PRKG1: variants seen among roughly 807,000 people sequenced by gnomAD.
The protein encoded by PRKG1 is protein kinase cGMP-dependent 1.
PRKG1 carries 35 observed loss-of-function variants against 88.1 expected under a neutral mutation model. That is an observed-to-expected ratio of 0.40 (90% CI 0.30 to 0.53). The LOEUF (loss-of-function observed/expected upper bound fraction) is 0.53. PRKG1 is among the 20% of genes least tolerant of loss of function. PRKG1 has a pLI of 0.59. For missense variants in PRKG1, 540 were observed against 839.8 expected (o/e 0.64, Z 4.41); for synonymous variants, 303 against 292.5 (o/e 1.04, Z -0.37).
intron 3 of PRKG1, among the ~76,000 whole-genome samples, chr10:51,481,073 T>C (rs1481257529): frequency 2.0e-5 from 3 of 152,054 alleles, no homozygotes; most frequent in African/African-American, 7.2e-5. Flanking sequence ...TAATCTATCT[T>C]TCTGAAAAAA....
At position 51,839,616 on chromosome 10, in the gene PRKG1, T is replaced by C. The variant is rs1456508405; in HGVS notation, c.698+34926T>C. On this transcript the variant is annotated intron_variant, in intron 4 of 17. Coordinates refer to ENST00000373980, the MANE Select transcript of PRKG1 (RefSeq NM_006258.4). ...TTGAAAACCAGCCAGATAGCCATGA[T>C]AAGCAGGAACCTGACTTTGTTTTGG... is the stretch of plus-strand genomic sequence containing the variant. Among the ~76,000 whole-genome samples, 5 of 152,254 alleles carry C rather than the reference T, an allele frequency of 3.3e-5. No homozygotes were observed. In the South Asian group the frequency reaches 1.0e-3, roughly 32 times the overall value.
chr10:52,169,961 C>T (rs576799321), intron 9 of PRKG1, among the ~76,000 whole-genome samples: 16 of 151,968 alleles, frequency 1.1e-4, no homozygotes, highest in East Asian at 3.9e-4. Flanking sequence ...ACCATCTCCA[C>T]GGATAAGGTT....
intron 2 of PRKG1, among the ~76,000 whole-genome samples, chr10:51,283,601 G>A (rs765480646): frequency 6.6e-6 from 1 of 152,166 alleles, no homozygotes; most frequent in Non-Finnish European, 1.5e-5. Context: ...CTTTAGGGTG[G>A]TGGGACAAGA....
intron 3 of PRKG1, among the ~76,000 whole-genome samples, chr10:51,572,889 A>G (rs117040426): frequency 6.6e-6 from 1 of 151,798 alleles, no homozygotes; most frequent in Admixed American, 6.6e-5. Context: ...TAAGAATTAA[A>G]CTCAACTGTG....
intron 3 of PRKG1, among the ~76,000 whole-genome samples, chr10:51,511,285 C>A (rs1391317106): frequency 6.6e-6 from 1 of 152,004 alleles, no homozygotes; most frequent in Non-Finnish European, 1.5e-5. Context: ...ATGAAACACC[C>A]AGCTAATTCC....
intron 4 of PRKG1, among the ~76,000 whole-genome samples, chr10:51,818,622 G>T (rs1439877129): frequency 2.0e-5 from 3 of 152,054 alleles, no homozygotes; most frequent in Non-Finnish European, 4.4e-5. Flanking sequence ...ATCCCCAGAT[G>T]TTTGCTTTCT....
At chr10:52,038,894 G>C (rs1845685187) in intron 5 of PRKG1, among the ~76,000 whole-genome samples, 1 of 152,150 alleles carries the variant, frequency 6.6e-6, no homozygotes, top group South Asian at 2.1e-4. Context: ...AGAGATTGAA[G>C]AGTGGAAAGA....
At chr10:51,029,521 T>C (rs1843252758) in intron 1 of PRKG1, among the ~76,000 whole-genome samples, 1 of 152,114 alleles carries the variant, frequency 6.6e-6, no homozygotes. Context: ...ATAAAACTTG[T>C]GATATCTTGC....
chr10:50,991,549 G>C lies in PRKG1; in HGVS notation c.171G>C (p.Arg57=). Reference sequence around the variant, plus strand: ...TGCCCTCGACCCACATCGGCCCCCGGACCACCCGGGCGCAGGGCATCTCGG... The same window carrying C: ...TGCCCTCGACCCACATCGGCCCCCGCACCACCCGGGCGCAGGGCATCTCGG... The change falls in exon 1 of 18, where the codon CGG becomes CGC. Residue 57 remains arginine, a synonymous_variant. Coordinates refer to the PRKG1 transcript ENST00000401604. This position sits in a 1 kb window ranked among gnomAD's most constrained non-coding sequence, Gnocchi z 4.5. 1 of 1,609,250 alleles carries C rather than the reference G, an allele frequency of 6.2e-7. No individual in the cohort carries two copies. Among genetic ancestry groups the C allele is most frequent in the Non-Finnish European group, 8.5e-7 (1 of 1,178,386 alleles).
intron 9 of PRKG1, among the ~76,000 whole-genome samples, chr10:52,189,459 G>A (rs1357235742): frequency 6.6e-6 from 1 of 152,074 alleles, no homozygotes; most frequent in East Asian, 1.9e-4. Context: ...GTAGACAAGC[G>A]AGCATTACTA....
At chr10:51,965,010 A>G (rs1055707125) in intron 5 of PRKG1, among the ~76,000 whole-genome samples, 6 of 152,234 alleles carry the variant, frequency 3.9e-5, no homozygotes, top group African/African-American at 9.6e-5. Context: ...CAAAGCATGA[A>G]TATAGGCATT....
chr10:52,004,787 C>T (rs12359145), intron 5 of PRKG1, among the ~76,000 whole-genome samples: 5 of 152,116 alleles, frequency 3.3e-5, no homozygotes, highest in South Asian at 2.1e-4. Context: ...GTTTTAGAGG[C>T]GCAGTGGCTC....
At chr10:51,099,591 A>G (rs1431552285) in intron 1 of PRKG1, among the ~76,000 whole-genome samples, 2 of 152,190 alleles carry the variant, frequency 1.3e-5, no homozygotes, top group Non-Finnish European at 2.9e-5. Flanking sequence ...TGGTTTAGTA[A>G]TGTAGTAGAG....
At chr10:51,056,589 T>G (rs1843628741) in intron 1 of PRKG1, among the ~76,000 whole-genome samples, 1 of 152,212 alleles carries the variant, frequency 6.6e-6, no homozygotes, top group African/African-American at 2.4e-5. Context: ...ACCCTAGGCT[T>G]TTCAGTATCC....
chr10:52,094,465 C>A (rs2133329116), intron 7 of PRKG1, among the ~76,000 whole-genome samples: 1 of 152,034 alleles, frequency 6.6e-6, no homozygotes, highest in South Asian at 2.1e-4. Context: ...CCCATTATTT[C>A]ATTTCTTTTA....
intron 2 of PRKG1, among the ~76,000 whole-genome samples, chr10:51,398,705 A>AT (rs953254671): frequency 6.6e-6 from 1 of 152,200 alleles, no homozygotes; most frequent in African/African-American, 2.4e-5. Flanking sequence ...GTGTTTTTAG[A>AT]TAAGATTAAC....
chr10:51,560,754 A>G (rs10998119), intron 3 of PRKG1, among the ~76,000 whole-genome samples: 22,564 of 152,010 alleles, frequency 0.15, 1,850 homozygotes, highest in African/African-American at 0.22. Context: ...TAGAAAATAT[A>G]TGTAGCAAAA....
At chr10:51,165,492 A>G (rs187113169) in intron 2 of PRKG1, among the ~76,000 whole-genome samples, 2,996 of 152,238 alleles carry the variant, frequency 0.02, 51 homozygotes, top group Middle Eastern at 0.055. Context: ...TGCAACTAAC[A>G]AGCAAAATAA....
chr10:52,251,091 G>A (rs1212826074), intron 9 of PRKG1, among the ~76,000 whole-genome samples: 2 of 152,028 alleles, frequency 1.3e-5, no homozygotes, highest in Non-Finnish European at 2.9e-5. Flanking sequence ...AGAGACCTCC[G>A]TGATCTTGCC....
Sources: allele counts gnomAD v4.1 joint callset (sites outside exome capture counted in the v4.1 genomes callset), GRCh38; gene constraint gnomAD v4.1.1; non-coding constraint Gnocchi (gnomAD v3.1); transcripts MANE v1.5; gene names NCBI Gene and HGNC (gene_info 2026-07-23, HGNC 2026-07-21).